LRP1B: variants seen among roughly 807,000 people sequenced by gnomAD.
The protein encoded by LRP1B is LDL receptor related protein 1B, also known as low-density lipoprotein receptor-related protein 1B.
Under a neutral mutation model 556.6 loss-of-function variants are expected in LRP1B, and 217 were observed. The ratio of observed to expected loss-of-function variants is 0.39; its 90% CI spans 0.35 to 0.44. The LOEUF (loss-of-function observed/expected upper bound fraction) is 0.44, where lower values mean the gene tolerates loss of function less well. Ranked by LOEUF, LRP1B falls within the 20% of genes least tolerant of loss-of-function variation. The pLI is 1.00. For synonymous variants in LRP1B, 2,047 were observed against 1,865.8 expected, an observed-to-expected ratio of 1.10 and a Z score of -2.50; for missense variants, 5,053 against 5,620.8, an observed-to-expected ratio of 0.90 and a Z score of 3.23.
chr2:141,405,362 A>G (rs1424725817), intron 3 of LRP1B, among the ~76,000 whole-genome samples: 2 of 152,198 alleles, frequency 1.3e-5, no homozygotes, highest in Non-Finnish European at 2.9e-5. Context: ...ATCAGATATT[A>G]AGGAAGCTCC....
chr2:140,784,421 C>CACACACACACAA (rs1491135149), intron 32 of LRP1B, among the ~76,000 whole-genome samples: 2 of 146,482 alleles, frequency 1.4e-5, no homozygotes, highest in African/African-American at 5.1e-5. Context: ...CACACACACA[C>CACACACACACAA]AAAAGGCTCA....
chr2:140,512,523 C>T (rs931590665), intron 51 of LRP1B, among the ~76,000 whole-genome samples: 3 of 152,106 alleles, frequency 2.0e-5, no homozygotes, highest in African/African-American at 7.2e-5. Flanking sequence ...AGTCACTAGC[C>T]TATTAATATT....
Position 140,958,722 on chromosome 2 carries a change from C to T in LRP1B, c.2888-6782G>A, listed in dbSNP as rs147043692. Among the ~76,000 whole-genome samples, 7 of 151,594 alleles carry T rather than the reference C, an allele frequency of 4.6e-5. No homozygotes were observed. The East Asian group carries it at 1.2e-3, about 25-fold the overall frequency. ...AGTAAAAATAAATTCACATAAACACCGTAGTGAAACATCAGGATCTCAAGA... is the reference window on the plus strand; with the variant it reads ...AGTAAAAATAAATTCACATAAACACTGTAGTGAAACATCAGGATCTCAAGA... On this transcript the variant is annotated intron_variant, in intron 18 of 90. Coordinates refer to ENST00000389484, the MANE Select transcript of LRP1B (RefSeq NM_018557.3).
intron 1 of LRP1B, among the ~76,000 whole-genome samples, chr2:141,831,228 A>T (rs1697102686): frequency 6.6e-6 from 1 of 151,716 alleles, no homozygotes; most frequent in African/African-American, 2.4e-5. Context: ...TATATATATA[A>T]AATAATATGA....
chr2:141,605,078 G>A (rs1687867109), intron 2 of LRP1B, among the ~76,000 whole-genome samples: 2 of 151,882 alleles, frequency 1.3e-5, no homozygotes, highest in African/African-American at 2.4e-5. Context: ...GTTCCTGGCT[G>A]GCAAAGTGAC....
intron 1 of LRP1B, among the ~76,000 whole-genome samples, chr2:142,097,076 T>C (rs1706400139): frequency 6.7e-6 from 1 of 148,254 alleles, no homozygotes; most frequent in African/African-American, 2.5e-5. Context: ...AACCCCGGTT[T>C]ACCAACAGTC....
chr2:140,327,480 T>C (rs1252000998), intron 79 of LRP1B, among the ~76,000 whole-genome samples: 1 of 152,078 alleles, frequency 6.6e-6, no homozygotes, highest in Non-Finnish European at 1.5e-5. Flanking sequence ...TAAGAAGATA[T>C]GTTTTTGCAT....
chr2:140,827,207 T>C (rs1691539691), intron 31 of LRP1B, among the ~76,000 whole-genome samples: 1 of 152,132 alleles, frequency 6.6e-6, no homozygotes, highest in East Asian at 1.9e-4. Context: ...TGAAAAGCTA[T>C]AGACATACAT....
chr2:141,741,941 C>G (rs1302586914), intron 2 of LRP1B, among the ~76,000 whole-genome samples: 1 of 152,102 alleles, frequency 6.6e-6, no homozygotes, highest in African/African-American at 2.4e-5. Flanking sequence ...AGATTTAAGT[C>G]TTTAATACAT....
At chr2:140,380,894 A>C (rs1683442228) in intron 67 of LRP1B, among the ~76,000 whole-genome samples, 1 of 152,290 alleles carries the variant, frequency 6.6e-6, no homozygotes, top group Admixed American at 6.5e-5. Flanking sequence ...TAACATTATT[A>C]ATTATTCTGC....
chr2:140,684,392 A>T (rs1685973744), intron 41 of LRP1B, among the ~76,000 whole-genome samples: 1 of 152,228 alleles, frequency 6.6e-6, no homozygotes, highest in African/African-American at 2.4e-5. Flanking sequence ...TCAGACTAAT[A>T]GGTACAACCA....
chr2:140,963,904 G>C (rs551432748), intron 18 of LRP1B, among the ~76,000 whole-genome samples: 1 of 152,320 alleles, frequency 6.6e-6, no homozygotes, highest in East Asian at 1.9e-4. Context: ...GCGGCGACGA[G>C]AGAGTGTAGA....
chr2:140,491,845 G>A (rs973766790), intron 57 of LRP1B, among the ~76,000 whole-genome samples: 5 of 152,038 alleles, frequency 3.3e-5, no homozygotes, highest in Admixed American at 3.3e-4. Flanking sequence ...GTGGATGTTG[G>A]TGGCACACTC....
chr2:141,372,996 C>T (rs1308419786), intron 3 of LRP1B, among the ~76,000 whole-genome samples: 1 of 151,912 alleles, frequency 6.6e-6, no homozygotes, highest in African/African-American at 2.4e-5. Flanking sequence ...TTGATGTATG[C>T]ATTTATTGCT....
chr2:140,443,823 G>T (rs538932186), intron 65 of LRP1B, among the ~76,000 whole-genome samples: 11 of 152,190 alleles, frequency 7.2e-5, no homozygotes, highest in African/African-American at 2.6e-4. Context: ...GTTAAGATAC[G>T]TTAAATGGAG....
At chr2:141,285,735 T>C (rs1263066817) in intron 3 of LRP1B, among the ~76,000 whole-genome samples, 20 of 142,666 alleles carry the variant, frequency 1.4e-4, no homozygotes, top group South Asian at 7.4e-4. Flanking sequence ...GGATTACAGG[T>C]GTGAGCCACC....
chr2:142,091,799 T>C (rs576775717), intron 1 of LRP1B, among the ~76,000 whole-genome samples: 255 of 152,312 alleles, frequency 1.7e-3, no homozygotes, highest in Middle Eastern at 0.01. Flanking sequence ...ATTCTCTTTT[T>C]AGCCTCTCTT....
chr2:140,709,609 T>C (rs1030958838), intron 37 of LRP1B, among the ~76,000 whole-genome samples: 1 of 152,076 alleles, frequency 6.6e-6, no homozygotes, highest in African/African-American at 2.4e-5. Context: ...TTAAAAGAGC[T>C]CAAGTCTCTA....
intron 3 of LRP1B, among the ~76,000 whole-genome samples, chr2:141,446,992 T>A (rs1000675862): frequency 2.6e-5 from 4 of 152,288 alleles, no homozygotes; most frequent in African/African-American, 9.6e-5. Context: ...TCCTGAATAA[T>A]ATCCTGAAGA....
Sources: allele counts gnomAD v4.1 joint callset (sites outside exome capture counted in the v4.1 genomes callset), GRCh38; gene constraint gnomAD v4.1.1; transcripts MANE v1.5; gene names NCBI Gene and HGNC (gene_info 2026-07-23, HGNC 2026-07-21).